BMERB1: variants seen among roughly 807,000 people sequenced by gnomAD.
BMERB1 encodes the protein bMERB domain containing 1, also known as bMERB domain-containing protein 1.
BMERB1 carries 12 observed loss-of-function variants against 23.6 expected under a neutral mutation model. That is an observed-to-expected ratio of 0.51 (90% CI 0.33 to 0.82). BMERB1 has a LOEUF of 0.82. Ranked by LOEUF, BMERB1 falls within the 40% of genes least tolerant of loss-of-function variation. BMERB1 has a pLI of 0.03. For missense variants in BMERB1, 247 were observed against 255.4 expected (o/e 0.97, Z 0.22); for synonymous variants, 122 against 96.6 (o/e 1.26, Z -1.54).
intron 2 of BMERB1, among the ~76,000 whole-genome samples, chr16:15,557,420 C>T (rs1450151180): frequency 6.6e-6 from 1 of 152,122 alleles, no homozygotes; most frequent in Admixed American, 6.6e-5. Context: ...AAGCACTTTG[C>T]ATGAACTATT....
At chr16:15,569,744 T>C (rs369833732) in intron 3 of BMERB1, among the ~76,000 whole-genome samples, 1 of 152,060 alleles carries the variant, frequency 6.6e-6, no homozygotes, top group East Asian at 1.9e-4. Context: ...TAAAGAGATA[T>C]CTCAAAAGGC....
chr16:15,538,122 C>G (rs1164035496), intron 2 of BMERB1, among the ~76,000 whole-genome samples: 1 of 152,142 alleles, frequency 6.6e-6, no homozygotes, highest in Non-Finnish European at 1.5e-5. Context: ...GAGGCTTCCC[C>G]ACGTGGAGTT....
chr16:15,531,332 G>C (rs1195922238), intron 2 of BMERB1, among the ~76,000 whole-genome samples: 1 of 152,148 alleles, frequency 6.6e-6, no homozygotes, highest in African/African-American at 2.4e-5. Context: ...AGGTTCAAGT[G>C]ATCCTCCCGC....
chr16:15,534,958 G>A (rs1005662812), intron 2 of BMERB1, among the ~76,000 whole-genome samples: 6 of 152,160 alleles, frequency 3.9e-5, no homozygotes, highest in African/African-American at 1.2e-4. Flanking sequence ...CAAGATGCTA[G>A]CATTTCCCTT....
intron 1 of BMERB1, among the ~76,000 whole-genome samples, chr16:15,458,352 A>G (rs184287882): frequency 4.6e-5 from 7 of 152,340 alleles, no homozygotes; most frequent in Admixed American, 3.3e-4. Context: ...TGTCTGACAC[A>G]TACAGATGTT....
At chr16:15,532,911 T>G (rs2051983717) in intron 2 of BMERB1, 2 of 436,446 alleles carry the variant, frequency 4.6e-6, no homozygotes, top group African/African-American at 4.1e-5. Flanking sequence ...TAAATAGACC[T>G]CGTGCCTGGT....
chr16:15,522,453 A>G (rs780816076), intron 2 of BMERB1, among the ~76,000 whole-genome samples: 4 of 151,620 alleles, frequency 2.6e-5, no homozygotes, highest in Non-Finnish European at 4.4e-5. Context: ...ACACACACAC[A>G]CGGAAAGTGT....
Position 15,586,847 on chromosome 16 carries a change from C to CA in BMERB1, c.*18_*19insA. The CA allele has an allele frequency of 6.5e-7, 1 of 1,542,742 alleles. No individual in the cohort carries two copies. The highest frequency in any genetic ancestry group is 8.8e-7 in the Non-Finnish European group (1 of 1,138,792). On this transcript the variant is annotated 3_prime_UTR_variant, in exon 6 of 6. Transcript: ENST00000300006. Reference sequence around the variant, plus strand: ...TCATGTAGCCCCCACGTGGGGTGCCCTGGGCCATGGGGACCCCCCCCCACC... The same window carrying CA: ...TCATGTAGCCCCCACGTGGGGTGCCCATGGGCCATGGGGACCCCCCCCCACC...
At chr16:15,529,217 A>G (rs1047094066) in intron 2 of BMERB1, among the ~76,000 whole-genome samples, 3 of 151,982 alleles carry the variant, frequency 2.0e-5, no homozygotes, top group African/African-American at 7.2e-5. Context: ...TGGTAGAGAC[A>G]GGGTTTCACC....
At chr16:15,523,291 T>C (rs1246006105) in intron 2 of BMERB1, among the ~76,000 whole-genome samples, 1 of 152,146 alleles carries the variant, frequency 6.6e-6, no homozygotes, top group East Asian at 1.9e-4. Context: ...TCCAGCAGCT[T>C]GTGTGTCACC....
In BMERB1 at chr16:15,587,896, G is replaced by C. The variant is rs1477817554; in HGVS notation, c.*1067G>C. 6.4e-6 allele frequency: 1 copy of C among 156,036 alleles called. No homozygotes were observed. The highest frequency in any genetic ancestry group is 2.4e-5 in the African/African-American group (1 of 41,496). 9.7% of individuals were successfully genotyped at this position (156,036 alleles called of 1,614,324 possible). On this transcript the variant is annotated 3_prime_UTR_variant, in exon 6 of 6. Coordinates refer to ENST00000300006, the MANE Select transcript of BMERB1 (RefSeq NM_033201.3). ...GTGTCGTGACCAGCCTAAGTAGTTA[G>C]CATAACTCAAGATGCTGATGTGCAG...
intron 1 of BMERB1, among the ~76,000 whole-genome samples, chr16:15,484,425 A>G (rs932212327): frequency 1.3e-5 from 2 of 151,890 alleles, no homozygotes; most frequent in African/African-American, 4.8e-5. Flanking sequence ...TTTTTGAGAA[A>G]GAGTCTCGCT....
At chr16:15,572,450 T>C (rs1198169138) in intron 3 of BMERB1, among the ~76,000 whole-genome samples, 1 of 152,118 alleles carries the variant, frequency 6.6e-6, no homozygotes, top group African/African-American at 2.4e-5. Context: ...CGACAGCTAG[T>C]GGGTATGGGG....
chr16:15,564,424 G>A (rs1440762564), intron 2 of BMERB1, among the ~76,000 whole-genome samples: 1 of 152,114 alleles, frequency 6.6e-6, no homozygotes, highest in Non-Finnish European at 1.5e-5. Flanking sequence ...CTAAATAAGA[G>A]ATAATCACTT....
intron 1 of BMERB1, among the ~76,000 whole-genome samples, chr16:15,469,135 T>C (rs1224965924): frequency 6.6e-6 from 1 of 152,036 alleles, no homozygotes; most frequent in African/African-American, 2.4e-5. Flanking sequence ...GGCTAACTTT[T>C]GTATTTTTTT....
intron 1 of BMERB1, among the ~76,000 whole-genome samples, chr16:15,503,374 C>T (rs1343029112): frequency 6.6e-6 from 1 of 151,888 alleles, no homozygotes; most frequent in Non-Finnish European, 1.5e-5. Context: ...CTCCGCCTCC[C>T]GGGTTCACGC....
intron 2 of BMERB1, among the ~76,000 whole-genome samples, chr16:15,518,553 A>G (rs367544878): frequency 2.0e-5 from 3 of 152,214 alleles, no homozygotes; most frequent in African/African-American, 7.2e-5. Context: ...TCAGCCCTCC[A>G]GGCCAACAGG....
intron 2 of BMERB1, among the ~76,000 whole-genome samples, chr16:15,519,843 T>C (rs1159803843): frequency 6.6e-6 from 1 of 152,110 alleles, no homozygotes; most frequent in East Asian, 1.9e-4. Flanking sequence ...GTTCTTCCTC[T>C]TTTCCTGCCA....
At chr16:15,450,900 A>G (rs1057483854) in intron 1 of BMERB1, among the ~76,000 whole-genome samples, 1 of 152,182 alleles carries the variant, frequency 6.6e-6, no homozygotes, top group Admixed American at 6.5e-5. Flanking sequence ...GCATTGCCCA[A>G]GAGAAAAAGT....
Sources: allele counts gnomAD v4.1 joint callset (sites outside exome capture counted in the v4.1 genomes callset), GRCh38; gene constraint gnomAD v4.1.1; transcripts MANE v1.5; gene names NCBI Gene and HGNC (gene_info 2026-07-23, HGNC 2026-07-21).